LRRC1: variants seen among roughly 807,000 people sequenced by gnomAD.
LRRC1 encodes the protein leucine rich repeat containing 1, also known as leucine-rich repeat-containing protein 1.
LRRC1 carries 28 observed loss-of-function variants against 69.9 expected under a neutral mutation model. The observed-to-expected ratio is 0.40, with a 90% CI of 0.30 to 0.55. The LOEUF (loss-of-function observed/expected upper bound fraction) is 0.55. Ranked by LOEUF, LRRC1 falls within the 20% of genes least tolerant of loss-of-function variation. The probability of loss-of-function intolerance (pLI) is 0.47; values close to 1 mark genes in which losing one functional copy is unlikely to be tolerated. For missense variants in LRRC1, 498 were observed against 609.0 expected (o/e 0.82, Z 1.92); for synonymous variants, 236 against 240.2 (o/e 0.98, Z 0.16).
intron 10 of LRRC1, among the ~76,000 whole-genome samples, chr6:53,909,230 G>A (rs1320010033): frequency 2.6e-5 from 4 of 152,154 alleles, no homozygotes; most frequent in Non-Finnish European, 4.4e-5. Context: ...GTTCTATGAG[G>A]TATAGGTAAA....
Position 53,923,678 on chromosome 6 carries a change from C to T in LRRC1, c.*885C>T, listed in dbSNP as rs2127444265. On this transcript the variant is annotated 3_prime_UTR_variant, in exon 14 of 14. Transcript: ENST00000370888. The stretch of plus-strand genomic sequence containing the variant: ...AGTGCAGTGTCAGACTGTGCCTACT[C>T]TGATGGTATGTGCCATTTGTAAAAT... The T allele has an allele frequency of 6.6e-6, 1 of 152,624 alleles. No individual in the cohort carries two copies. Among genetic ancestry groups the T allele is most frequent in the East Asian group, 1.9e-4 (1 of 5,190 alleles). The allele number at this position is 152,624 out of a possible 1,614,324, so 9.5% of individuals were successfully genotyped here.
At chr6:53,900,020 GT>G (rs869246243) in intron 8 of LRRC1, 129 bp downstream of exon 8, 6,566 of 189,748 alleles carry the variant, frequency 0.035, 385 homozygotes, top group South Asian at 0.046. Context: ...TCTCCTTACT[GT>G]TTTTTTTTTT....
At chr6:53,854,039 T>C (rs1481531238) in intron 2 of LRRC1, among the ~76,000 whole-genome samples, 1 of 152,240 alleles carries the variant, frequency 6.6e-6, no homozygotes, top group Non-Finnish European at 1.5e-5. Context: ...GGAAATTTTC[T>C]TAGTGTGGCA....
intron 2 of LRRC1, among the ~76,000 whole-genome samples, chr6:53,873,416 C>A (rs1037440559): frequency 6.6e-6 from 1 of 151,212 alleles, no homozygotes. Flanking sequence ...CTCAGCCTCC[C>A]GAATAGCTGG....
At chr6:53,893,785 C>T (rs553852457) in intron 4 of LRRC1, among the ~76,000 whole-genome samples, 179 of 152,008 alleles carry the variant, frequency 1.2e-3, no homozygotes, top group African/African-American at 4.1e-3. Flanking sequence ...CTTTACTTCC[C>T]CCAAACAGTA....
intron 2 of LRRC1, among the ~76,000 whole-genome samples, chr6:53,876,823 G>A (rs892635371): frequency 2.0e-5 from 3 of 152,146 alleles, no homozygotes; most frequent in Non-Finnish European, 4.4e-5. Context: ...CTGCTTTCAC[G>A]GGCTGGCCTT....
intron 2 of LRRC1, among the ~76,000 whole-genome samples, chr6:53,869,108 T>A (rs955089995): frequency 6.6e-6 from 1 of 152,230 alleles, no homozygotes; most frequent in Non-Finnish European, 1.5e-5. Flanking sequence ...ATTGCTCTTA[T>A]GGCTGTTCGG....
Position 53,795,330 on chromosome 6 carries a change from T to A in LRRC1, c.74T>A (p.Val25Asp). 1 of 1,613,696 alleles carries A rather than the reference T, an allele frequency of 6.2e-7. No individual in the cohort carries two copies. The highest frequency in any genetic ancestry group is 2.2e-5 in the East Asian group (1 of 44,846). ...ATCGACAAGCGCCACTGCTCGCTGG[T>A]CTACGTCCCCGAGGAGATCTACCGC... ...ESIDKRHCSLVYVPEEIYRYA... is the reference protein window; with the variant it reads ...ESIDKRHCSLDYVPEEIYRYA... The change falls in exon 1 of 14, where the codon GTC (valine) becomes GAC (aspartate). Residue 25 changes from valine to aspartate, a missense_variant. By Grantham distance (152) the Val-to-Asp change is radical (BLOSUM62 -3). Around this residue, in one of 3 missense-constraint regions of LRRC1, gnomAD observed 70 missense variants for 62.1 expected, o/e 1.13. Transcript: ENST00000370888.
At chr6:53,827,287 A>G (rs1765296630) in intron 1 of LRRC1, among the ~76,000 whole-genome samples, 1 of 146,114 alleles carries the variant, frequency 6.8e-6, no homozygotes, top group African/African-American at 2.6e-5. Flanking sequence ...GGAACTTAAA[A>G]TGAAATCGAA....
chr6:53,829,772 C>A (rs542697889), intron 1 of LRRC1, among the ~76,000 whole-genome samples: 2 of 152,092 alleles, frequency 1.3e-5, no homozygotes, highest in Non-Finnish European at 2.9e-5. Context: ...GGGAGCTTAC[C>A]GAGAACGGAT....
chr6:53,914,514 C>T (rs1768507681), intron 11 of LRRC1, among the ~76,000 whole-genome samples: 1 of 152,172 alleles, frequency 6.6e-6, no homozygotes. Context: ...AAGTTCAGAG[C>T]CGCCAGACTA....
At chr6:53,799,001 C>T (rs1276200407) in intron 1 of LRRC1, among the ~76,000 whole-genome samples, 1 of 152,220 alleles carries the variant, frequency 6.6e-6, no homozygotes, top group African/African-American at 2.4e-5. Flanking sequence ...CCTCAGTGTG[C>T]ACCAGTTCTC....
chr6:53,911,478 C>G (rs144559347), intron 10 of LRRC1, among the ~76,000 whole-genome samples: 49 of 152,328 alleles, frequency 3.2e-4, no homozygotes, highest in African/African-American at 1.1e-3. Flanking sequence ...AATGCAGTCC[C>G]AGCTCTGTAT....
At chr6:53,801,618 C>A (rs1764488242) in intron 1 of LRRC1, among the ~76,000 whole-genome samples, 1 of 152,088 alleles carries the variant, frequency 6.6e-6, no homozygotes, top group African/African-American at 2.4e-5. Context: ...TAGTCCCCCA[C>A]CCCTCACCCC....
At chr6:53,804,857 A>G (rs1764593279) in intron 1 of LRRC1, among the ~76,000 whole-genome samples, 1 of 152,220 alleles carries the variant, frequency 6.6e-6, no homozygotes, top group African/African-American at 2.4e-5. Context: ...GGAGGCCTAG[A>G]GATTACACAA....
chr6:53,900,081 A>G (rs982408380), intron 8 of LRRC1, among the ~76,000 whole-genome samples, 190 bp downstream of exon 8: 22 of 125,624 alleles, frequency 1.8e-4, no homozygotes, highest in Non-Finnish European at 3.4e-4. Flanking sequence ...TCTGTCGCCC[A>G]GGCTGGAGTG....
At chr6:53,871,410 G>T (rs1415654025) in intron 2 of LRRC1, among the ~76,000 whole-genome samples, 1 of 151,980 alleles carries the variant, frequency 6.6e-6, no homozygotes, top group African/African-American at 2.4e-5. Context: ...TTTTTTTCGT[G>T]TACTTGTTAG....
intron 7 of LRRC1, among the ~76,000 whole-genome samples, chr6:53,898,562 C>T (rs2127436211): frequency 6.6e-6 from 1 of 152,242 alleles, no homozygotes; most frequent in South Asian, 2.1e-4. Flanking sequence ...ATTTAAAAAT[C>T]TCATTTGCTC....
At chr6:53,900,032 T>G (rs879117917) in intron 8 of LRRC1, 141 bp downstream of exon 8, 10,351 of 241,666 alleles carry the variant, frequency 0.043, 366 homozygotes, top group East Asian at 0.097. Context: ...TTTTTTTTTT[T>G]TTTTTTTTTT....
Sources: gnomAD v4.1 joint callset for allele counts (sites outside exome capture counted in the v4.1 genomes callset) on GRCh38, gnomAD v4.1.1 for gene constraint, gnomAD v4.1.1 regional missense constraint, MANE v1.5 for transcripts, NCBI Gene and HGNC (gene_info 2026-07-23, HGNC 2026-07-21) for gene names.